The following MDH2 variants were observed in gnomAD, a reference collection of about 807,000 sequenced individuals.
MDH2 encodes malate dehydrogenase, mitochondrial.
In MDH2, 25 loss-of-function variants were observed where a neutral mutation model predicts 33.6. The ratio of observed to expected loss-of-function variants is 0.74; its 90% confidence interval spans 0.54 to 1.04. The LOEUF (loss-of-function observed/expected upper bound fraction) is 1.04, where lower values mean the gene tolerates loss of function less well. MDH2 is among the 50% of genes least tolerant of loss of function. MDH2 has a pLI of 0.00. For synonymous variants in MDH2, 193 were observed against 188.7 expected, an observed-to-expected ratio of 1.02 and a Z score of -0.19; for missense variants, 432 against 445.0, an observed-to-expected ratio of 0.97 and a Z score of 0.26.
In MDH2 at chr7:76,066,291, G is replaced by C; in HGVS notation, c.898G>C (p.Glu300Gln). ...CCATCTCCCTCAGAAAAAGGGCATC[G>C]AGAAGAACCTGGGCATCGGCAAAGT... ...TPLLLGKKGIEKNLGIGKVSS... is the reference protein window; with the variant it reads ...TPLLLGKKGIQKNLGIGKVSS... Residue 300 changes from glutamate to glutamine, a missense_variant, in exon 9 of 9, where the codon GAG becomes CAG. Coordinates refer to ENST00000315758, the MANE Select transcript of MDH2 (RefSeq NM_005918.4). The C allele has an allele frequency of 6.2e-7, 1 of 1,608,226 alleles. No individual in the cohort carries two copies. The highest frequency in any genetic ancestry group is 8.5e-7 in the Non-Finnish European group (1 of 1,177,272).
At chr7:76,051,950 A>G (rs1797638837) in intron 1 of MDH2, among the ~76,000 whole-genome samples, 1 of 152,152 alleles carries the variant, frequency 6.6e-6, no homozygotes, top group African/African-American at 2.4e-5. Context: ...AAGCATGTAA[A>G]GATTATACTA....
At chr7:76,061,430 C>T (rs1229866401) in intron 5 of MDH2, among the ~76,000 whole-genome samples, 1 of 152,178 alleles carries the variant, frequency 6.6e-6, no homozygotes, top group African/African-American at 2.4e-5. Context: ...TTTCAAAAGG[C>T]ATGGCCCCAG....
intron 5 of MDH2, 136 bp downstream of exon 5, chr7:76,060,634 C>A: frequency 7.7e-7 from 1 of 1,306,022 alleles, no homozygotes; most frequent in East Asian, 2.5e-5. Context: ...TTTTAGAGCT[C>A]GCCCTCTTGA....
At chr7:76,064,525 C>A in intron 7 of MDH2, 87 bp downstream of exon 7, 1 of 1,186,582 alleles carries the variant, frequency 8.4e-7, no homozygotes, top group Non-Finnish European at 1.2e-6. Flanking sequence ...TGTCCCTGGG[C>A]ATGGACGATC....
At chr7:76,057,354 C>T in intron 2 of MDH2, 56 bp from the exon 3 acceptor site, 1 of 1,601,890 alleles carries the variant, frequency 6.2e-7, no homozygotes, top group Non-Finnish European at 8.5e-7. Flanking sequence ...GCTGAACTTT[C>T]CAGGCCTCTC....
chr7:76,050,843 T>C lies in MDH2; in HGVS notation c.66+2617T>C, dbSNP rs145269558. Among the ~76,000 whole-genome samples, 993 of 152,266 alleles carry C rather than the reference T, an allele frequency of 6.5e-3. 12 individuals are homozygous for C. The highest frequency in any genetic ancestry group is 0.021 in the African/African-American group (860 of 41,554). ...GTTGGGCTGAAATAGGCAAGACTTA[T>C]AGAAGAGAGTGGGTTTAACCAGGGA... On this transcript the variant is annotated intron_variant, in intron 1 of 8. Transcript: ENST00000315758.
At chr7:76,051,245 T>C (rs975337724) in intron 1 of MDH2, among the ~76,000 whole-genome samples, 8 of 152,140 alleles carry the variant, frequency 5.3e-5, no homozygotes, top group African/African-American at 1.9e-4. Context: ...AGCGACATTG[T>C]TGAGAAGGCA....
At position 76,066,299 on chromosome 7, in the gene MDH2, C is replaced by A; in HGVS notation, c.906C>A (p.Asn302Lys). 6.2e-7 allele frequency: 1 copy of A among 1,609,872 alleles called. No individual in the cohort carries two copies. The highest frequency in any genetic ancestry group is 2.2e-5 in the East Asian group (1 of 44,764). The change falls in exon 9 of 9, where the codon AAC becomes AAA. Residue 302 changes from asparagine (N) to lysine (K), a missense_variant. Asn to Lys is a moderately conservative substitution (Grantham distance 94, BLOSUM62 0). Coordinates refer to ENST00000315758, the MANE Select transcript of MDH2 (RefSeq NM_005918.4). ...CTCAGAAAAAGGGCATCGAGAAGAA[C>A]CTGGGCATCGGCAAAGTCTCCTCTT... ...LLLGKKGIEK[N>K]LGIGKVSSFE...
At chr7:76,049,021 C>G in intron 1 of MDH2, 1 of 887,442 alleles carries the variant, frequency 1.1e-6, no homozygotes, top group Non-Finnish European at 1.3e-6. Context: ...CCAGGTGAAT[C>G]TAATTAAACC....
intron 1 of MDH2, among the ~76,000 whole-genome samples, chr7:76,051,797 C>T (rs562644843): frequency 1.4e-4 from 22 of 152,282 alleles, no homozygotes; most frequent in African/African-American, 5.1e-4. Context: ...TAACATATGT[C>T]GGTTTTCAAC....
rs529395182 is a variant in MDH2, at chr7:76,057,982, C to T, written c.333C>T (p.Asp111=). 1.1e-4 allele frequency: 182 copies of T among 1,613,924 alleles called. No homozygotes were observed. Among genetic ancestry groups the T allele is most frequent in the Non-Finnish European group, 1.4e-4 (170 of 1,179,998 alleles). The change falls in exon 4 of 9, where the codon GAC becomes GAT. Residue 111 remains aspartate (D), a synonymous_variant. Coordinates refer to ENST00000315758, the MANE Select transcript of MDH2 (RefSeq NM_005918.4). ...GATCATTTCCAGGCATGACCCGGGA[C>T]GACCTGTTCAACACCAATGCCACGA... The part of the protein sequence containing the change: ...GVPRKPGMTR[D]DLFNTNATIV...
chr7:76,049,493 G>A (rs531156807), intron 1 of MDH2, among the ~76,000 whole-genome samples: 7 of 152,184 alleles, frequency 4.6e-5, no homozygotes, highest in East Asian at 3.9e-4. Flanking sequence ...AAGGTCTTAG[G>A]GAATGAGTAA....
At chr7:76,051,612 C>T (rs562804900) in intron 1 of MDH2, among the ~76,000 whole-genome samples, 175 of 152,312 alleles carry the variant, frequency 1.1e-3, no homozygotes, top group Non-Finnish European at 2.2e-3. Context: ...TGAGCCACCA[C>T]GCCTAGCTGG....
chr7:76,064,326 G>C lies in MDH2; in HGVS notation c.634-13G>C, dbSNP rs1798034139. On this transcript the variant is annotated splice_polypyrimidine_tract_variant and intron_variant, in intron 6 of 8. Coordinates refer to ENST00000315758, the MANE Select transcript of MDH2 (RefSeq NM_005918.4). ...CCGGAAGCCACTCACTGATCCCATG[G>C]CTTGGCTTGCAGTGCACCCCCAAGG... is the stretch of plus-strand genomic sequence containing the variant. 5.0e-6 allele frequency: 8 copies of C among 1,604,254 alleles called. No homozygotes were observed. Among genetic ancestry groups the C allele is most frequent in the Non-Finnish European group, 6.8e-6 (8 of 1,175,684 alleles).
At position 76,063,588 on chromosome 7, in the gene MDH2, C is replaced by G. The variant is rs1798010866; in HGVS notation, c.629C>G (p.Ser210Cys). The G allele has an allele frequency of 1.9e-6, 3 of 1,614,112 alleles. No individual in the cohort carries two copies. Among genetic ancestry groups the G allele is most frequent in the Non-Finnish European group, 2.5e-6 (3 of 1,179,918 alleles). ...GGGAAGACCATCATCCCCCTGATCT[C>G]TCAGGTACACGCATATGACCCTGTG... ...HAGKTIIPLI[S>C]QCTPKVDFPQ... is the part of the protein sequence containing the mutation. Residue 210 changes from serine (S) to cysteine (C), a missense_variant, in exon 6 of 9, where the codon TCT becomes TGT. Ser to Cys is a moderately radical substitution (Grantham distance 112, BLOSUM62 -1). Coordinates refer to ENST00000315758, the MANE Select transcript of MDH2 (RefSeq NM_005918.4).
intron 1 of MDH2, 58 bp from the exon 2 acceptor site, chr7:76,054,772 G>A: frequency 6.3e-7 from 1 of 1,596,872 alleles, no homozygotes; most frequent in South Asian, 1.1e-5. Context: ...AGGATACCAT[G>A]TGAATCCTTT....
chr7:76,063,308 C>G (rs1798003232), intron 5 of MDH2, among the ~76,000 whole-genome samples: 1 of 152,260 alleles, frequency 6.6e-6, no homozygotes, highest in Non-Finnish European at 1.5e-5. Context: ...GCCCTCACGG[C>G]ACCTGCTGGC....
chr7:76,063,500 T>C lies in MDH2; in HGVS notation c.556-15T>C, dbSNP rs782142467. On this transcript the variant is annotated splice_polypyrimidine_tract_variant and intron_variant, in intron 5 of 8. Coordinates refer to ENST00000315758, the MANE Select transcript of MDH2 (RefSeq NM_005918.4). Reference sequence around the variant, plus strand: ...GAGCTTGTTAACTCATCCAGCTTCATACTTTGGTCACCAGGGTTTGGATCC... The same window carrying C: ...GAGCTTGTTAACTCATCCAGCTTCACACTTTGGTCACCAGGGTTTGGATCC... 1 of 1,613,974 alleles carries C rather than the reference T, an allele frequency of 6.2e-7. No homozygotes were observed. The highest frequency in any genetic ancestry group is 1.1e-5 in the South Asian group (1 of 91,084).
At chr7:76,064,655 A>T in intron 7 of MDH2, 147 bp from the exon 8 acceptor site, 1 of 984,882 alleles carries the variant, frequency 1.0e-6, no homozygotes, top group East Asian at 2.6e-5. Flanking sequence ...TACACCATTC[A>T]TGTATAAGTA....
Sources: gnomAD v4.1 joint callset for allele counts (sites outside exome capture counted in the v4.1 genomes callset) on GRCh38, gnomAD v4.1.1 for gene constraint, MANE v1.5 for transcripts, NCBI Gene and HGNC (gene_info 2026-07-23, HGNC 2026-07-21) for gene names.